The following TTLL10 variants were observed in gnomAD, a reference collection of about 807,000 sequenced individuals.
The protein encoded by TTLL10 is tubulin tyrosine ligase like 10.
A neutral mutation model predicts 69.0 loss-of-function variants in TTLL10; 61 were observed. The observed-to-expected ratio is 0.88, with a 90% CI of 0.72 to 1.09. The LOEUF is 1.09. Ranked by LOEUF, TTLL10 falls within the 50% of genes least tolerant of loss-of-function variation. The pLI is 0.00. For synonymous variants in TTLL10, 408 were observed against 393.3 expected (o/e 1.04, Z -0.44); for missense variants, 962 against 945.9 (o/e 1.02, Z -0.22).
intron 3 of TTLL10, chr1:1,175,828 T>C: frequency 2.6e-6 from 1 of 390,660 alleles, no homozygotes. Context: ...ACCGTGCAGG[T>C]GGAGAGAGGC....
In TTLL10 at chr1:1,196,736, G is replaced by T; in HGVS notation, c.1518+20G>T. 6.7e-7 allele frequency: 1 copy of T among 1,501,726 alleles called. No individual in the cohort carries two copies. The highest frequency in any genetic ancestry group is 9.1e-7 in the Non-Finnish European group (1 of 1,101,378). The allele number at this position is 1,501,726 out of a possible 1,614,324, so 93.0% of individuals were successfully genotyped here. ...TTCAAGGTGCTGTCCTGGGCGGCGG[G>T]GGGCACAGTAGACAGATGCAAGGAG... On this transcript the variant is annotated intron_variant, in intron 14 of 15. Transcript: ENST00000379289.
At chr1:1,182,278 G>T in intron 9 of TTLL10, 83 bp from the exon 10 acceptor site, 4 of 1,252,598 alleles carry the variant, frequency 3.2e-6, no homozygotes, top group Non-Finnish European at 4.7e-6. Flanking sequence ...CCCTCCCGCC[G>T]GGCCACAGGC....
At position 1,185,694 on chromosome 1, in the gene TTLL10, C is replaced by G. The variant is rs1325155670; in HGVS notation, c.1401+585C>G. On this transcript the variant is annotated intron_variant, in intron 13 of 15. Coordinates refer to ENST00000379289, the MANE Select transcript of TTLL10 (RefSeq NM_001130045.2). The surrounding 1 kb of genome is among the most constrained non-coding windows in gnomAD (Gnocchi z 6.1). ...AGGACTTTTATCTGTCTTGGTCACC[C>G]CGGCCAGGCCCCGGAAGCAGCAGCC... 1 of 985,402 alleles carries G rather than the reference C, an allele frequency of 1.0e-6. No homozygotes were observed. The highest frequency in any genetic ancestry group is 1.1e-4 in the East Asian group (1 of 8,826). 61.0% of individuals were successfully genotyped at this position (985,402 alleles called of 1,614,324 possible).
At chr1:1,192,939 A>G (rs984924115) in intron 13 of TTLL10, among the ~76,000 whole-genome samples, 2 of 152,258 alleles carry the variant, frequency 1.3e-5, no homozygotes, top group Non-Finnish European at 2.9e-5. Flanking sequence ...CTCTGAAACT[A>G]AAGTATCTTT....
intron 10 of TTLL10, among the ~76,000 whole-genome samples, 167 bp downstream of exon 10, chr1:1,182,613 G>T (rs1022648479): frequency 6.6e-6 from 1 of 152,046 alleles, no homozygotes; most frequent in Non-Finnish European, 1.5e-5. Context: ...TCTGGGTGGG[G>T]ACTGAGGAGT....
rs981659515 is a variant in TTLL10 at position 1,196,259 on chromosome 1, C to T, written c.1402-341C>T. On this transcript the variant is annotated intron_variant, in intron 13 of 15. Transcript: ENST00000379289. ...GGGAGCAGAGGATGAAACCAGAGCA[C>T]GTTAAAATACAACATAATTCACAGT... is the stretch of plus-strand genomic sequence containing the variant. 81 of 264,852 alleles carry T rather than the reference C, an allele frequency of 3.1e-4. 2 individuals carry two copies. The highest frequency in any genetic ancestry group is 1.6e-3 in the African/African-American group (75 of 45,972). 16.4% of individuals were successfully genotyped at this position (264,852 alleles called of 1,614,324 possible). A position where few individuals can be genotyped will look rare whatever the true frequency, so the allele number is the denominator to read the frequency against.
rs1035780075 is a variant in TTLL10 at position 1,184,996 on chromosome 1, A to G, written c.1288A>G (p.Met430Val). Residue 430 changes from methionine to valine, a missense_variant, in exon 13 of 16, where the codon ATG becomes GTG. Physicochemically the swap from Met to Val is conservative, Grantham distance 21. Coordinates refer to ENST00000379289, the MANE Select transcript of TTLL10 (RefSeq NM_001130045.2). ...CATGCAGAAGAAGAGCCCTCTGTAC[A>G]TGCTGCTGAAGGAGCACACGGTGTG... ...QFMQKKSPLY[M>V]LLKEHTVWSM... The G allele has an allele frequency of 8.7e-6, 14 of 1,613,492 alleles. No homozygotes were observed. The highest frequency in any genetic ancestry group is 1.1e-5 in the Non-Finnish European group (13 of 1,179,790).
In TTLL10 at chr1:1,180,883, C is replaced by A. The variant is rs374153375; in HGVS notation, c.755+23C>A. The A allele has an allele frequency of 7.1e-6, 11 of 1,540,588 alleles. No homozygotes were observed. The Admixed American group carries it at 2.2e-4, about 30-fold the overall frequency. ...CAGGTGAGTCTGCCCCTGCCCCTGCCCCCGTCCCTGCGCCCGCCCCTACGC... is the reference window on the plus strand; with the variant it reads ...CAGGTGAGTCTGCCCCTGCCCCTGCACCCGTCCCTGCGCCCGCCCCTACGC... On this transcript the variant is annotated intron_variant, in intron 8 of 15. Transcript: ENST00000379289.
Position 1,180,349 on chromosome 1 carries a change from C to T in TTLL10, c.506+9C>T, listed in dbSNP as rs748051923. The stretch of plus-strand genomic sequence containing the variant: ...AGCAACGGGGCCACAATGTGAGTAG[C>T]GGCCCTGGGCGCCCGTGGTCCCACT... On this transcript the variant is annotated intron_variant, in intron 6 of 15. Transcript: ENST00000379289. 26 of 1,553,046 alleles carry T rather than the reference C, an allele frequency of 1.7e-5. No homozygotes were observed. In the East Asian group the frequency reaches 1.9e-4, roughly 11 times the overall value.
rs768506121 is a variant in TTLL10, at chr1:1,182,382, T to TCCC, written c.852_853insCCC (p.Phe284_Phe285insPro). 6.2e-7 allele frequency: 1 copy of TCCC among 1,613,890 alleles called. No homozygotes were observed. Among genetic ancestry groups the TCCC allele is most frequent in the South Asian group, 1.1e-5 (1 of 91,072 alleles). On this transcript the variant is annotated inframe_insertion, in exon 10 of 16. Coordinates refer to ENST00000379289, the MANE Select transcript of TTLL10 (RefSeq NM_001130045.2). ...GCAGGGTCCTGAGAATGGAAGAGTT[T>TCCC]TTCCCAGAGACCTACCGCCTGGACC...
intron 13 of TTLL10, among the ~76,000 whole-genome samples, chr1:1,189,601 C>G (rs1302179295): frequency 2.0e-5 from 3 of 152,238 alleles, no homozygotes; most frequent in Non-Finnish European, 4.4e-5. Context: ...TAACCCTGGC[C>G]TCATAGCATG....
At chr1:1,188,915 CTT>C (rs1328309295) in intron 13 of TTLL10, among the ~76,000 whole-genome samples, 2 of 152,158 alleles carry the variant, frequency 1.3e-5, no homozygotes, top group African/African-American at 4.8e-5. Flanking sequence ...TATTTTGACA[CTT>C]GTGAATAGAA....
intron 13 of TTLL10, 135 bp from the exon 14 acceptor site, chr1:1,196,465 G>A (rs1459839915): frequency 7.5e-6 from 5 of 664,084 alleles, no homozygotes; most frequent in East Asian, 2.8e-5. Context: ...GTGCACGAAC[G>A]TGTGGGCAGG....
rs1351942289 is a variant in TTLL10, at chr1:1,182,876, A to C, written c.917A>C (p.Glu306Ala). 5.1e-6 allele frequency: 8 copies of C among 1,575,260 alleles called. No homozygotes were observed. The highest frequency in any genetic ancestry group is 6.9e-6 in the Non-Finnish European group (8 of 1,159,416). Reference sequence around the variant, plus strand: ...GGGGCTCAGGCCGCGCTCTCTGCAGAAACCCAGATATGGATCTGCAAGCCC... The same window carrying C: ...GGGGCTCAGGCCGCGCTCTCTGCAGCAACCCAGATATGGATCTGCAAGCCC... ...EREAFFTLFD[E>A]TQIWICKPTA... Residue 306 changes from glutamate (E) to alanine (A), a missense_variant and splice_region_variant, in exon 11 of 16, where the codon GAA becomes GCA. Glu to Ala is a moderately radical substitution (Grantham distance 107). Coordinates refer to ENST00000379289, the MANE Select transcript of TTLL10 (RefSeq NM_001130045.2).
chr1:1,180,460 A>ACCCCCCCCCCCCCCCC, intron 6 of TTLL10, 23 bp from the exon 7 acceptor site: 3 of 1,107,364 alleles, frequency 2.7e-6, no homozygotes, highest in Admixed American at 2.2e-5. Context: ...CCCCCAGGTC[A>ACCCCCCCCCCCCCCCC]CCCCCGCCCC....
chr1:1,190,127 AG>A (rs920983436), intron 13 of TTLL10, among the ~76,000 whole-genome samples: 1 of 151,648 alleles, frequency 6.6e-6, no homozygotes, highest in Non-Finnish European at 1.5e-5. Flanking sequence ...AAAAAAAAAA[AG>A]AATTTGTCCA....
rs777700957 is a variant in TTLL10, at chr1:1,176,031, C to T, written c.-28+1542C>T. The T allele has an allele frequency of 1.1e-3, 485 of 447,016 alleles. 7 individuals carry two copies. Among genetic ancestry groups the T allele is most frequent in the Non-Finnish European group, 2.5e-4 (56 of 225,180 alleles). The allele number at this position is 447,016 out of a possible 1,614,324, so 27.7% of individuals were successfully genotyped here. ...CACTGTGCAGGTGGAGAGAGGCTGA[C>T]GCTGTGCAGGTGGAGAGGCTGACGC... On this transcript the variant is annotated intron_variant, in intron 3 of 15. Coordinates refer to ENST00000379289, the MANE Select transcript of TTLL10 (RefSeq NM_001130045.2).
chr1:1,176,253 A>G (rs375448418), intron 3 of TTLL10: 9,351 of 395,078 alleles, frequency 0.024, 232 homozygotes, highest in African/African-American at 0.071. Context: ...GACGCTGTGC[A>G]GGTGGAGAGA....
chr1:1,175,658 T>C (rs1646843775), intron 3 of TTLL10: 1 of 450,982 alleles, frequency 2.2e-6, no homozygotes, highest in African/African-American at 2.0e-5. Flanking sequence ...CTGCGCAGTG[T>C]GTGGCGGGTG....
Sources: allele counts gnomAD v4.1 joint callset (sites outside exome capture counted in the v4.1 genomes callset), GRCh38; gene constraint gnomAD v4.1.1; non-coding constraint Gnocchi (gnomAD v3.1); transcripts MANE v1.5; gene names NCBI Gene and HGNC (gene_info 2026-07-23, HGNC 2026-07-21).